Variants in FOXK2 observed in about 807,000 individuals in gnomAD.
FOXK2 encodes forkhead box K2.
In FOXK2, 24 loss-of-function variants were observed where a neutral mutation model predicts 53.3. The observed-to-expected ratio is 0.45, with a 90% CI of 0.33 to 0.63. The LOEUF (loss-of-function observed/expected upper bound fraction) is 0.63, where lower values mean the gene tolerates loss of function less well. FOXK2 is among the 30% of genes least tolerant of loss of function. The pLI is 0.03. For missense variants in FOXK2, 952 were observed against 910.5 expected (o/e 1.05, Z -0.59); for synonymous variants, 505 against 407.1 (o/e 1.24, Z -2.89).
intron 1 of FOXK2, among the ~76,000 whole-genome samples, chr17:82,521,463 C>G (rs565256200): frequency 6.6e-6 from 1 of 151,610 alleles, no homozygotes; most frequent in Non-Finnish European, 1.5e-5. Flanking sequence ...TGAGCCACCG[C>G]GCCCGGCCTA....
intron 1 of FOXK2, among the ~76,000 whole-genome samples, chr17:82,553,269 A>G (rs1180328788): frequency 6.6e-6 from 1 of 152,206 alleles, no homozygotes; most frequent in African/African-American, 2.4e-5. Flanking sequence ...AAAGGAGCTC[A>G]CCCATGGAGC....
chr17:82,594,423 G>A (rs530709211), intron 8 of FOXK2, among the ~76,000 whole-genome samples: 26 of 151,698 alleles, frequency 1.7e-4, no homozygotes, highest in Admixed American at 1.1e-3. Flanking sequence ...GCATGAACCC[G>A]GGAGGTGGAG....
At chr17:82,530,621 C>T (rs542571063) in intron 1 of FOXK2, among the ~76,000 whole-genome samples, 48 of 151,426 alleles carry the variant, frequency 3.2e-4, no homozygotes, top group African/African-American at 1.1e-3. Flanking sequence ...AACAATTCTC[C>T]TGCCTCAGTC....
At chr17:82,565,900 C>A (rs1278301331) in intron 2 of FOXK2, among the ~76,000 whole-genome samples, 1 of 152,162 alleles carries the variant, frequency 6.6e-6, no homozygotes, top group Admixed American at 6.6e-5. Flanking sequence ...ATAGAAGATA[C>A]AATGGAATAT....
chr17:82,533,750 C>T (rs975307134), intron 1 of FOXK2, among the ~76,000 whole-genome samples: 5 of 151,766 alleles, frequency 3.3e-5, no homozygotes, highest in African/African-American at 7.3e-5. Context: ...TGACTTGAAA[C>T]GACGTGAATT....
At position 82,519,912 on chromosome 17, in the gene FOXK2, C is replaced by T. The variant is rs1275288826; in HGVS notation, c.24C>T (p.Leu8=). MAAAAAA[L]SGAGTPPAGG... The stretch of plus-strand genomic sequence containing the variant: ...CCATGGCGGCGGCCGCGGCGGCGCT[C>T]TCGGGCGCGGGCACGCCACCCGCGG... The change falls in exon 1 of 9, where the codon CTC becomes CTT. Residue 8 remains leucine, a synonymous_variant. Coordinates refer to ENST00000335255, the MANE Select transcript of FOXK2 (RefSeq NM_004514.4). 8 of 978,076 alleles carry T rather than the reference C, an allele frequency of 8.2e-6. No homozygotes were observed. The highest frequency in any genetic ancestry group is 9.7e-6 in the Non-Finnish European group (8 of 826,996). 60.6% of individuals were successfully genotyped at this position (978,076 alleles called of 1,614,324 possible). A position where few individuals can be genotyped will look rare whatever the true frequency, so the allele number is the denominator to read the frequency against.
chr17:82,574,397 T>TA (rs1270332203), intron 4 of FOXK2, among the ~76,000 whole-genome samples: 1 of 151,538 alleles, frequency 6.6e-6, no homozygotes, highest in Non-Finnish European at 1.5e-5. Flanking sequence ...CTCGGCTCAC[T>TA]GCAACCTCCG....
chr17:82,563,501 C>T lies in FOXK2; in HGVS notation c.567C>T (p.Thr189=). Residue 189 remains threonine (T), a synonymous_variant, in exon 2 of 9, where the codon ACC becomes ACT. Transcript: ENST00000335255. ...CCCTGACCATCAACATTCCAGACACCATGGCCCACCTCATCAGCCCTCTGC... is the reference window on the plus strand; with the variant it reads ...CCCTGACCATCAACATTCCAGACACTATGGCCCACCTCATCAGCCCTCTGC... ...ISPLTINIPD[T]MAHLISPLPS... 1 of 1,614,118 alleles carries T rather than the reference C, an allele frequency of 6.2e-7. No homozygotes were observed. Among genetic ancestry groups the T allele is most frequent in the Non-Finnish European group, 8.5e-7 (1 of 1,180,010 alleles).
At chr17:82,520,485 C>T (rs943076771) in intron 1 of FOXK2, among the ~76,000 whole-genome samples, 178 bp downstream of exon 1, 1 of 152,074 alleles carries the variant, frequency 6.6e-6, no homozygotes. Context: ...AGCCCCTGGC[C>T]CCGACCCCCG....
At chr17:82,538,447 T>C (rs944823769) in intron 1 of FOXK2, among the ~76,000 whole-genome samples, 5 of 152,218 alleles carry the variant, frequency 3.3e-5, no homozygotes, top group Non-Finnish European at 4.4e-5. Context: ...CTCGTGCCGC[T>C]GCGCTCCAAC....
intron 8 of FOXK2, among the ~76,000 whole-genome samples, chr17:82,594,680 C>T (rs996256923): frequency 5.9e-5 from 9 of 152,194 alleles, no homozygotes; most frequent in Non-Finnish European, 7.3e-5. Context: ...TGAGTGTCTG[C>T]AGATTGGAGT....
At chr17:82,568,015 T>C in intron 2 of FOXK2, 39 bp from the exon 3 acceptor site, 1 of 1,545,342 alleles carries the variant, frequency 6.5e-7, no homozygotes, top group South Asian at 1.2e-5. Context: ...ATGCGTGCAC[T>C]GTGATAGACT....
intron 1 of FOXK2, among the ~76,000 whole-genome samples, chr17:82,545,262 C>T (rs923242745): frequency 2.6e-5 from 4 of 152,212 alleles, no homozygotes; most frequent in African/African-American, 7.2e-5. Context: ...GCCTCCCACT[C>T]CTCAGCTCGG....
At chr17:82,535,751 T>G (rs1424085997) in intron 1 of FOXK2, among the ~76,000 whole-genome samples, 1 of 150,778 alleles carries the variant, frequency 6.6e-6, no homozygotes, top group East Asian at 1.9e-4. Context: ...TGTTTTTGTT[T>G]TTGTTTTTTT....
chr17:82,586,889 A>C (rs1464077793), intron 7 of FOXK2, among the ~76,000 whole-genome samples, 174 bp from the exon 8 acceptor site: 1 of 152,106 alleles, frequency 6.6e-6, no homozygotes, highest in Non-Finnish European at 1.5e-5. Context: ...TAACGAGCGA[A>C]ACTCCATCTC....
intron 1 of FOXK2, among the ~76,000 whole-genome samples, chr17:82,539,659 T>C (rs755420694): frequency 2.1e-4 from 29 of 140,692 alleles, no homozygotes; most frequent in Non-Finnish European, 3.4e-4. Context: ...AAAAAAAAAA[T>C]TAATTAAAAA....
At chr17:82,548,519 C>A (rs183632954) in intron 1 of FOXK2, among the ~76,000 whole-genome samples, 1 of 152,228 alleles carries the variant, frequency 6.6e-6, no homozygotes, top group East Asian at 1.9e-4. Flanking sequence ...TGTTTATATA[C>A]CCTGAACAGA....
intron 1 of FOXK2, among the ~76,000 whole-genome samples, chr17:82,552,018 T>G (rs934673229): frequency 6.6e-6 from 1 of 152,100 alleles, no homozygotes; most frequent in Non-Finnish European, 1.5e-5. Flanking sequence ...GGCTCCCCCT[T>G]GTGGAGTCCT....
intron 1 of FOXK2, among the ~76,000 whole-genome samples, chr17:82,553,385 G>A (rs1041410497): frequency 1.8e-4 from 28 of 152,272 alleles, no homozygotes; most frequent in African/African-American, 6.5e-4. Flanking sequence ...CAGGTGCCAA[G>A]GCCAAAGGCA....
Sources: gnomAD v4.1 joint callset for allele counts (sites outside exome capture counted in the v4.1 genomes callset) on GRCh38, gnomAD v4.1.1 for gene constraint, MANE v1.5 for transcripts, NCBI Gene and HGNC (gene_info 2026-07-23, HGNC 2026-07-21) for gene names.